The following CACTIN variants were observed in gnomAD, a reference collection of about 807,000 sequenced individuals.
CACTIN encodes cactin, spliceosome C complex subunit.
In CACTIN, 20 loss-of-function variants were observed where a neutral mutation model predicts 84.9. The observed-to-expected ratio is 0.24, with a 90% CI of 0.17 to 0.34. The LOEUF (loss-of-function observed/expected upper bound fraction) is 0.34, where lower values mean the gene tolerates loss of function less well. Among genes scored for constraint, CACTIN ranks in the 10% least tolerant of loss-of-function variants. CACTIN has a pLI of 1.00. For missense variants in CACTIN, 897 were observed against 1,117.2 expected, an observed-to-expected ratio of 0.80 and a Z score of 2.81; for synonymous variants, 549 against 467.9, an observed-to-expected ratio of 1.17 and a Z score of -2.24.
rs1175551076 is a variant in CACTIN, at chr19:3,615,312, ACTCCGCGTG to A, written c.1163-732_1163-724del. 1 of 153,800 alleles carries A rather than the reference ACTCCGCGTG, an allele frequency of 6.5e-6. No homozygotes were observed. The highest frequency in any genetic ancestry group is 2.4e-5 in the African/African-American group (1 of 41,184). The allele number at this position is 153,800 out of a possible 1,614,324, so 9.5% of individuals were successfully genotyped here. On this transcript the variant is annotated intron_variant, in intron 6 of 9. Transcript: ENST00000429344. The surrounding 1 kb of genome is among the most constrained non-coding windows in gnomAD (Gnocchi z 5.2). Reference sequence around the variant, plus strand: ...TGCTGGGAGGCTGGAGCCTAGCCTGACTCCGCGTGCTCTGCCCCACACCACGTGGCATCC... The same window carrying A: ...TGCTGGGAGGCTGGAGCCTAGCCTGACTCTGCCCCACACCACGTGGCATCC...
rs556793634 is a variant in CACTIN, at chr19:3,620,122, C to T, written c.884+5G>A. On this transcript the variant is annotated splice_donor_5th_base_variant and intron_variant, in intron 4 of 9. Coordinates refer to ENST00000429344, the MANE Select transcript of CACTIN (RefSeq NM_001080543.2). ...GGTCGGAGGGAGGGGGAGGCCCCAG[C>T]GCACCGCAGCTTGGCCTGCTGGAGG... is the stretch of plus-strand genomic sequence containing the variant. 4 of 1,609,610 alleles carry T rather than the reference C, an allele frequency of 2.5e-6. No homozygotes were observed. In the East Asian group the frequency reaches 6.7e-5, roughly 27 times the overall value.
At position 3,613,513 on chromosome 19, in the gene CACTIN, C is replaced by G. The variant is rs780763984; in HGVS notation, c.1429G>C (p.Glu477Gln). The G allele has an allele frequency of 1.9e-6, 3 of 1,586,266 alleles. No homozygotes were observed. The highest frequency in any genetic ancestry group is 2.7e-5 in the African/African-American group (2 of 74,522). Residue 477 changes from glutamate to glutamine, a missense_variant, in exon 8 of 10, where the codon GAG (glutamate) becomes CAG (glutamine). Glu to Gln is a conservative substitution (Grantham distance 29). Around this residue, in one of 8 missense-constraint regions of CACTIN, gnomAD observed 243 missense variants for 239.9 expected, o/e 1.01. Coordinates refer to ENST00000429344, the MANE Select transcript of CACTIN (RefSeq NM_001080543.2). ...KLKQEQGVESEPLFPILKQEP... is the reference protein window; with the variant it reads ...KLKQEQGVESQPLFPILKQEP... ...TGCTTGAGGATGGGGAACAGCGGCT[C>G]GCTCTCCACGCCCTGCTCCTGCTTC... is the stretch of plus-strand genomic sequence containing the variant.
At chr19:3,620,857 C>T (rs1272804948) in intron 2 of CACTIN, 55 bp from the exon 3 acceptor site, 11 of 1,402,246 alleles carry the variant, frequency 7.8e-6, no homozygotes, top group Non-Finnish European at 1.1e-5. Flanking sequence ...TCGCCCCCCT[C>T]CTCAGCTCCT....
intron 2 of CACTIN, among the ~76,000 whole-genome samples, chr19:3,622,403 C>T (rs1291256549): frequency 6.8e-6 from 1 of 147,342 alleles, no homozygotes; most frequent in African/African-American, 2.5e-5. Context: ...GTCTTGCAGA[C>T]GTAGGTAAGA....
intron 1 of CACTIN, among the ~76,000 whole-genome samples, chr19:3,625,658 GA>G (rs1489004195): frequency 6.6e-6 from 1 of 152,216 alleles, no homozygotes. Flanking sequence ...TTGAACCCAG[GA>G]GGCAGAGGTA....
chr19:3,610,890 G>T lies in CACTIN; in HGVS notation c.*1033C>A. 2.2e-6 allele frequency: 1 copy of T among 456,760 alleles called. No individual in the cohort carries two copies. Among genetic ancestry groups the T allele is most frequent in the Non-Finnish European group, 4.4e-6 (1 of 226,994 alleles). The allele number at this position is 456,760 out of a possible 1,614,324, so 28.3% of individuals were successfully genotyped here. On this transcript the variant is annotated 3_prime_UTR_variant, in exon 10 of 10. Coordinates refer to ENST00000429344, the MANE Select transcript of CACTIN (RefSeq NM_001080543.2). ...TTTTGCTTCTGTTGGAGATGTTCCC[G>T]TCGGATGCTGAAGAACAAGCCTGCC...
intron 4 of CACTIN, 138 bp from the exon 5 acceptor site, chr19:3,619,380 G>C (rs1568294844): frequency 2.5e-6 from 2 of 804,742 alleles, no homozygotes; most frequent in Non-Finnish European, 3.8e-6. Flanking sequence ...AGGCTTCCTG[G>C]AGGAGGAGGA....
chr19:3,612,065 G>A lies in CACTIN; in HGVS notation c.2135C>T (p.Ala712Val), dbSNP rs772632241. 8.7e-6 allele frequency: 14 copies of A among 1,613,786 alleles called. No individual in the cohort carries two copies. The highest frequency in any genetic ancestry group is 3.3e-5 in the Admixed American group (2 of 60,010). Residue 712 changes from alanine (A) to valine (V), a missense_variant, in exon 10 of 10, where the codon GCG becomes GTG. By Grantham distance (64) the Ala-to-Val change is moderately conservative (BLOSUM62 0). This residue lies in a region of CACTIN where 50 missense variants were observed against 51.6 expected (regional missense o/e 0.97). Coordinates refer to ENST00000429344, the MANE Select transcript of CACTIN (RefSeq NM_001080543.2). The part of the protein sequence containing the change: ...NKDFAILRFH[A>V]GPPYEDIAFK... ...AGCGATGTCCTCGTAGGGCGGCCCC[G>A]CGTGGAAGCGCAGGATGGCGAAATC...
chr19:3,618,177 CG>C (rs34337349), intron 6 of CACTIN, among the ~76,000 whole-genome samples: 2,081 of 107,588 alleles, frequency 0.019, 131 homozygotes, highest in Admixed American at 0.11. Context: ...GCTTTTAGAC[CG>C]GGGGGGGGGG....
intron 7 of CACTIN, 134 bp downstream of exon 7, chr19:3,614,263 C>A: frequency 1.1e-6 from 1 of 929,490 alleles, no homozygotes; most frequent in Non-Finnish European, 1.6e-6. Context: ...CCCGGCCAGT[C>A]GGCACTTTCC....
At chr19:3,618,126 G>A (rs1288982408) in intron 6 of CACTIN, among the ~76,000 whole-genome samples, 1 of 151,732 alleles carries the variant, frequency 6.6e-6, no homozygotes, top group Non-Finnish European at 1.5e-5. Flanking sequence ...AGCCGCTGGG[G>A]CGTGGATTTT....
rs2033195575 is a variant in CACTIN, at chr19:3,620,286, A to G, written c.739-14T>C. 6.4e-7 allele frequency: 1 copy of G among 1,554,942 alleles called. No individual in the cohort carries two copies. The highest frequency in any genetic ancestry group is 8.6e-7 in the Non-Finnish European group (1 of 1,156,078). ...CAGCTGCTTCACCTGCAGGCACAGG[A>G]GGCTGAGGGCAGCGGGGACCGTGCG... On this transcript the variant is annotated splice_polypyrimidine_tract_variant and intron_variant, in intron 3 of 9. Coordinates refer to ENST00000429344, the MANE Select transcript of CACTIN (RefSeq NM_001080543.2).
At chr19:3,618,369 C>G (rs2033150894) in intron 6 of CACTIN, among the ~76,000 whole-genome samples, 1 of 152,110 alleles carries the variant, frequency 6.6e-6, no homozygotes, top group Non-Finnish European at 1.5e-5. Context: ...GTCCGCAGTG[C>G]TCAGGGTAGA....
intron 2 of CACTIN, among the ~76,000 whole-genome samples, chr19:3,622,477 A>G (rs1298627292): frequency 6.6e-6 from 1 of 151,972 alleles, no homozygotes; most frequent in Non-Finnish European, 1.5e-5. Context: ...GAAGAGGAAC[A>G]TTTACACACA....
At chr19:3,621,244 G>T (rs2033218578) in intron 2 of CACTIN, among the ~76,000 whole-genome samples, 1 of 152,230 alleles carries the variant, frequency 6.6e-6, no homozygotes, top group African/African-American at 2.4e-5. Context: ...GGCAGGAACA[G>T]TGAGTGGGGG....
chr19:3,614,208 G>A (rs1003702880), intron 7 of CACTIN, among the ~76,000 whole-genome samples, 189 bp downstream of exon 7: 3 of 152,048 alleles, frequency 2.0e-5, no homozygotes, highest in African/African-American at 7.2e-5. Context: ...GCTAGGGCAC[G>A]GGACTACGCG....
Position 3,610,973 on chromosome 19 carries a change from TGA to T in CACTIN, c.*948_*949del, listed in dbSNP as rs2032934020. ...CGTGTGGCCCTCGGCCCTCCTGGCCTGAGAAAGGGGAGTGAGAAGGAGCCACT... is the reference window on the plus strand; with the variant it reads ...CGTGTGGCCCTCGGCCCTCCTGGCCTGAAAGGGGAGTGAGAAGGAGCCACT... On this transcript the variant is annotated 3_prime_UTR_variant, in exon 10 of 10. Transcript: ENST00000429344. The T allele has an allele frequency of 2.2e-6, 1 of 456,524 alleles. No individual in the cohort carries two copies. The highest frequency in any genetic ancestry group is 2.0e-5 in the African/African-American group (1 of 50,198). 28.3% of individuals were successfully genotyped at this position (456,524 alleles called of 1,614,324 possible).
intron 2 of CACTIN, 94 bp downstream of exon 2, chr19:3,623,594 G>A (rs935926008): frequency 5.2e-6 from 6 of 1,149,862 alleles, no homozygotes; most frequent in African/African-American, 4.7e-5. Context: ...ACTCTTGCAC[G>A]ATCAAGGGCA....
intron 4 of CACTIN, among the ~76,000 whole-genome samples, chr19:3,619,693 T>C (rs1240186051): frequency 6.6e-6 from 1 of 152,054 alleles, no homozygotes; most frequent in Non-Finnish European, 1.5e-5. Context: ...GGGTACGCGT[T>C]GCAGGCGGGC....
Sources: gnomAD v4.1 joint callset for allele counts (sites outside exome capture counted in the v4.1 genomes callset) on GRCh38, gnomAD v4.1.1 for gene constraint, gnomAD v4.1.1 regional missense constraint, Gnocchi (gnomAD v3.1) non-coding constraint, MANE v1.5 for transcripts, NCBI Gene and HGNC (gene_info 2026-07-23, HGNC 2026-07-21) for gene names.